Variants in PPP2R2B observed in about 807,000 individuals in gnomAD.
PPP2R2B encodes protein phosphatase 2 regulatory subunit Bbeta.
Under a neutral mutation model 46.0 loss-of-function variants are expected in PPP2R2B, and 5 were observed. That is an observed-to-expected ratio of 0.11 (90% CI 0.06 to 0.23). PPP2R2B has a LOEUF of 0.23. Among genes scored for constraint, PPP2R2B ranks in the 10% least tolerant of loss-of-function variants. The pLI, the probability that PPP2R2B is intolerant of heterozygous loss-of-function variation, is 1.00. For missense variants in PPP2R2B, 367 were observed against 575.0 expected, an observed-to-expected ratio of 0.64 and a Z score of 3.70; for synonymous variants, 215 against 206.7, an observed-to-expected ratio of 1.04 and a Z score of -0.34.
intron 1 of PPP2R2B, among the ~76,000 whole-genome samples, chr5:146,984,902 T>C (rs1753350157): frequency 6.6e-6 from 1 of 152,182 alleles, no homozygotes; most frequent in South Asian, 2.1e-4. Context: ...TTCAGGTCCC[T>C]TGCTCCTTGT....
intron 2 of PPP2R2B, among the ~76,000 whole-genome samples, chr5:146,774,860 T>C (rs554769255): frequency 4.7e-5 from 7 of 149,974 alleles, no homozygotes; most frequent in African/African-American, 1.7e-4. Flanking sequence ...TATGAATAAC[T>C]GTATGCCAAC....
intron 1 of PPP2R2B, among the ~76,000 whole-genome samples, chr5:146,944,160 C>T (rs1440303497): frequency 6.6e-6 from 1 of 152,152 alleles, no homozygotes; most frequent in Non-Finnish European, 1.5e-5. Context: ...CCATAATGGT[C>T]TCATTACTGC....
chr5:146,858,228 G>A (rs1034623661), intron 2 of PPP2R2B, among the ~76,000 whole-genome samples: 1 of 152,176 alleles, frequency 6.6e-6, no homozygotes, highest in African/African-American at 2.4e-5. Flanking sequence ...CATCTCCAGA[G>A]TCTGTTTTCT....
chr5:146,914,625 C>CA (rs1476388595), intron 1 of PPP2R2B, among the ~76,000 whole-genome samples: 3 of 151,978 alleles, frequency 2.0e-5, no homozygotes, highest in Non-Finnish European at 4.4e-5. Flanking sequence ...GCTATTGCTG[C>CA]AAAAAAATGT....
intron 9 of PPP2R2B, 67 bp downstream of exon 9, chr5:146,592,904 G>T: frequency 1.4e-6 from 2 of 1,478,406 alleles, no homozygotes; most frequent in Non-Finnish European, 1.9e-6. Flanking sequence ...ACTCTACTTA[G>T]GATAAATTCC....
At chr5:146,773,111 C>T (rs1057199665) in intron 2 of PPP2R2B, among the ~76,000 whole-genome samples, 5 of 152,124 alleles carry the variant, frequency 3.3e-5, no homozygotes, top group Admixed American at 3.3e-4. Context: ...TAAAGTTAAT[C>T]CAGTAATGCA....
chr5:146,621,690 C>T (rs138462297), intron 7 of PPP2R2B, among the ~76,000 whole-genome samples: 2 of 152,334 alleles, frequency 1.3e-5, no homozygotes, highest in African/African-American at 4.8e-5. Context: ...CACCTACTAC[C>T]TGCTCCAGAC....
rs543646436 is a variant in PPP2R2B at position 146,944,768 on chromosome 5, C to T, written c.79+110897G>A. On this transcript the variant is annotated intron_variant, in intron 1 of 8. Coordinates refer to the PPP2R2B transcript ENST00000336640. ...TCCTCCACCCTTGGTAGTCCTCAAC[C>T]TTTAAAACAATTTATTAAAGGTAAA... 4.6e-5 allele frequency among the ~76,000 whole-genome samples: 7 copies of T among 152,096 alleles called. No individual in the cohort carries two copies. In the East Asian group the frequency reaches 5.8e-4, roughly 13 times the overall value.
chr5:146,979,894 A>C (rs1378099424), intron 1 of PPP2R2B, among the ~76,000 whole-genome samples: 1 of 152,238 alleles, frequency 6.6e-6, no homozygotes, highest in African/African-American at 2.4e-5. Context: ...AATTGACCAC[A>C]GATAACTGAA....
chr5:146,828,280 C>A (rs2151345214), intron 2 of PPP2R2B, among the ~76,000 whole-genome samples: 1 of 151,354 alleles, frequency 6.6e-6, no homozygotes. Flanking sequence ...AAAAGACATT[C>A]TCTTGCTGTT....
At chr5:146,782,258 G>A (rs1433529056) in intron 2 of PPP2R2B, among the ~76,000 whole-genome samples, 5 of 152,158 alleles carry the variant, frequency 3.3e-5, no homozygotes, top group Non-Finnish European at 5.9e-5. Flanking sequence ...ATGCAGGAAC[G>A]ATCTATTACA....
chr5:146,694,576 A>G (rs977965987), intron 4 of PPP2R2B, among the ~76,000 whole-genome samples: 1 of 152,184 alleles, frequency 6.6e-6, no homozygotes, highest in Admixed American at 6.5e-5. Context: ...GTCAGGAACG[A>G]TCATCGTCAA....
chr5:146,931,290 T>C (rs1416977518), intron 1 of PPP2R2B, among the ~76,000 whole-genome samples: 1 of 152,148 alleles, frequency 6.6e-6, no homozygotes, highest in Non-Finnish European at 1.5e-5. Flanking sequence ...TGCTTGTTAT[T>C]CTTCTGCTAC....
intron 5 of PPP2R2B, among the ~76,000 whole-genome samples, chr5:146,663,579 C>T (rs1488196197): frequency 6.6e-6 from 1 of 152,078 alleles, no homozygotes; most frequent in East Asian, 1.9e-4. Flanking sequence ...TTTTTGGTTT[C>T]CCAGTGTATA....
chr5:146,870,612 T>C (rs893156039), intron 2 of PPP2R2B, among the ~76,000 whole-genome samples: 1 of 152,144 alleles, frequency 6.6e-6, no homozygotes, highest in Non-Finnish European at 1.5e-5. Flanking sequence ...CTGAGCTGAC[T>C]AATACACCAA....
At chr5:146,926,944 C>A (rs1172575880) in intron 1 of PPP2R2B, among the ~76,000 whole-genome samples, 1 of 152,152 alleles carries the variant, frequency 6.6e-6, no homozygotes, top group East Asian at 1.9e-4. Flanking sequence ...ATGATCATTT[C>A]TATTGACAAC....
In PPP2R2B at chr5:146,743,136, T is replaced by G. The variant is rs529360031; in HGVS notation, c.71-41994A>C. On this transcript the variant is annotated intron_variant, in intron 2 of 9. Coordinates refer to ENST00000394411, the MANE Select transcript of PPP2R2B (RefSeq NM_181675.4). The stretch of plus-strand genomic sequence containing the variant: ...CTAATATAGTAATACACAAACCAGG[T>G]CCTATGGTAAGCACTTTGCTTATAT... Among the ~76,000 whole-genome samples, 328 of 152,300 alleles carry G rather than the reference T, an allele frequency of 2.2e-3. 1 individual carries two copies. The highest frequency in any genetic ancestry group is 7.3e-3 in the African/African-American group (303 of 41,564).
At chr5:147,065,699 A>G (rs1757396268) in intron 2 of PPP2R2B, among the ~76,000 whole-genome samples, 1 of 152,112 alleles carries the variant, frequency 6.6e-6, no homozygotes, top group African/African-American at 2.4e-5. Flanking sequence ...GGAAAATGAC[A>G]TATGACTTAG....
intron 2 of PPP2R2B, among the ~76,000 whole-genome samples, chr5:146,805,053 C>T (rs1031654320): frequency 2.6e-5 from 4 of 152,176 alleles, no homozygotes; most frequent in African/African-American, 9.7e-5. Context: ...GCTGTGAGGT[C>T]AGATTTTATG....
Sources: gnomAD v4.1 joint callset for allele counts (sites outside exome capture counted in the v4.1 genomes callset) on GRCh38, gnomAD v4.1.1 for gene constraint, MANE v1.5 for transcripts, NCBI Gene and HGNC (gene_info 2026-07-23, HGNC 2026-07-21) for gene names.